Variants in LRTM2 observed in about 807,000 individuals in gnomAD.
The protein encoded by LRTM2 is leucine-rich repeat and transmembrane domain-containing protein 2.
LRTM2 carries 18 observed loss-of-function variants against 28.1 expected under a neutral mutation model. The observed-to-expected ratio is 0.64, with a 90% CI of 0.44 to 0.95. LRTM2 has a LOEUF of 0.95. Ranked by LOEUF, LRTM2 falls within the 40% of genes least tolerant of loss-of-function variation. The probability of loss-of-function intolerance (pLI) is 0.00; values close to 1 mark genes in which losing one functional copy is unlikely to be tolerated. For missense variants in LRTM2, 436 were observed against 497.2 expected, an observed-to-expected ratio of 0.88 and a Z score of 1.17; for synonymous variants, 250 against 218.7, an observed-to-expected ratio of 1.14 and a Z score of -1.26.
rs1864432409 is a variant in LRTM2, at chr12:1,828,093, C to A, written c.-56C>A. 6.9e-7 allele frequency: 1 copy of A among 1,456,754 alleles called. No individual in the cohort carries two copies. Among genetic ancestry groups the A allele is most frequent in the African/African-American group, 1.4e-5 (1 of 70,162 alleles). 90.2% of individuals were successfully genotyped at this position (1,456,754 alleles called of 1,614,324 possible). A position where few individuals can be genotyped will look rare whatever the true frequency, so the allele number is the denominator to read the frequency against. ...TCCCTCAGGACTGACAGGCGGCGCACCCAGGGGCTCCTCTCTCCCCAGAGC... is the reference window on the plus strand; with the variant it reads ...TCCCTCAGGACTGACAGGCGGCGCAACCAGGGGCTCCTCTCTCCCCAGAGC... On this transcript the variant is annotated 5_prime_UTR_variant, in exon 3 of 5. Coordinates refer to ENST00000299194, the MANE Select transcript of LRTM2 (RefSeq NM_001039029.3). This position sits in a 1 kb window ranked among gnomAD's most constrained non-coding sequence, Gnocchi z 4.2.
At chr12:1,822,527 G>T (rs1864147699) in intron 1 of LRTM2, among the ~76,000 whole-genome samples, 1 of 152,166 alleles carries the variant, frequency 6.6e-6, no homozygotes, top group African/African-American at 2.4e-5. Flanking sequence ...CCTCCTTCAT[G>T]TCAGGGACCA....
intron 1 of LRTM2, among the ~76,000 whole-genome samples, chr12:1,821,031 T>C (rs142807272): frequency 4.7e-4 from 71 of 152,320 alleles, no homozygotes; most frequent in African/African-American, 1.6e-3. Flanking sequence ...CCCACAGTGC[T>C]GGGGACAAGA....
Position 1,831,312 on chromosome 12 carries a change from A to G in LRTM2, c.445A>G (p.Ile149Val), listed in dbSNP as rs375953804. 6 of 1,613,812 alleles carry G rather than the reference A, an allele frequency of 3.7e-6. No homozygotes were observed. The highest frequency in any genetic ancestry group is 5.1e-6 in the Non-Finnish European group (6 of 1,180,026). Residue 149 changes from isoleucine to valine, a missense_variant, in exon 4 of 5, where the codon ATC (isoleucine) becomes GTC (valine). Physicochemically the swap from Ile to Val is conservative, Grantham distance 29. Transcript: ENST00000299194. The part of the protein sequence containing the change: ...SPLLRHLDLS[I>V]NGLAQLPPGL... ...GCTGCTCCGCCACCTGGACCTGTCC[A>G]TCAACGGCCTGGCCCAGTTGCCCCC...
rs1200912471 is a variant in LRTM2, at chr12:1,829,816, A to G, written c.68-1119A>G. 6.6e-6 allele frequency among the ~76,000 whole-genome samples: 1 copy of G among 151,762 alleles called. No homozygotes were observed. Among genetic ancestry groups the G allele is most frequent in the Non-Finnish European group, 1.5e-5 (1 of 67,928 alleles). On this transcript the variant is annotated intron_variant, in intron 3 of 4. Coordinates refer to ENST00000299194, the MANE Select transcript of LRTM2 (RefSeq NM_001039029.3). The surrounding 1 kb of genome is among the most constrained non-coding windows in gnomAD (Gnocchi z 4.2). ...GGGGTCTTTTCTCTAGGCTGGGTGG[A>G]ACTGACCTCGGCTGGGCTGACCTGG...
In LRTM2 at chr12:1,829,889, C is replaced by T. The variant is rs1864542181; in HGVS notation, c.68-1046C>T. On this transcript the variant is annotated intron_variant, in intron 3 of 4. Coordinates refer to ENST00000299194, the MANE Select transcript of LRTM2 (RefSeq NM_001039029.3). The surrounding 1 kb of genome is among the most constrained non-coding windows in gnomAD (Gnocchi z 4.2). ...CTTCCCAGTTCTCTTTCACGATGAGCAGGCTTCTCTGCTACTCAGGAGGAC... is the reference window on the plus strand; with the variant it reads ...CTTCCCAGTTCTCTTTCACGATGAGTAGGCTTCTCTGCTACTCAGGAGGAC... Among the ~76,000 whole-genome samples, 2 of 152,122 alleles carry T rather than the reference C, an allele frequency of 1.3e-5. No homozygotes were observed. Among genetic ancestry groups the T allele is most frequent in the Non-Finnish European group, 1.5e-5 (1 of 68,018 alleles).
rs777119834 is a variant in LRTM2 at position 1,829,099 on chromosome 12, C to T, written c.67+884C>T. Among the ~76,000 whole-genome samples the T allele has an allele frequency of 6.6e-6, 1 of 152,244 alleles. No individual in the cohort carries two copies. The highest frequency in any genetic ancestry group is 1.5e-5 in the Non-Finnish European group (1 of 68,050). ...TCAGCCTCATTCTAGAATCACTCAACACCTCGCAATACGGGCTTATGTTTT... is the reference window on the plus strand; with the variant it reads ...TCAGCCTCATTCTAGAATCACTCAATACCTCGCAATACGGGCTTATGTTTT... On this transcript the variant is annotated intron_variant, in intron 3 of 4. Coordinates refer to ENST00000299194, the MANE Select transcript of LRTM2 (RefSeq NM_001039029.3). This position sits in a 1 kb window ranked among gnomAD's most constrained non-coding sequence, Gnocchi z 4.2.
chr12:1,828,941 G>A lies in LRTM2; in HGVS notation c.67+726G>A, dbSNP rs114740665. Among the ~76,000 whole-genome samples, 1,337 of 152,332 alleles carry A rather than the reference G, an allele frequency of 8.8e-3. 19 individuals carry two copies. The highest frequency in any genetic ancestry group is 0.03 in the African/African-American group (1,259 of 41,572). On this transcript the variant is annotated intron_variant, in intron 3 of 4. Transcript: ENST00000299194. This position sits in a 1 kb window ranked among gnomAD's most constrained non-coding sequence, Gnocchi z 4.2. The stretch of plus-strand genomic sequence containing the variant: ...AGGGCTGGTCTGCCCAAGGCTACAC[G>A]GTGGCAGGGAGGAAACGGTCCCGCG...
intron 1 of LRTM2, among the ~76,000 whole-genome samples, chr12:1,825,277 A>AG (rs1309182076): frequency 6.6e-6 from 1 of 152,184 alleles, no homozygotes; most frequent in Non-Finnish European, 1.5e-5. Flanking sequence ...GAGCCTATCC[A>AG]GGGGAGGCAG....
At chr12:1,825,258 GC>G (rs777433579) in intron 1 of LRTM2, among the ~76,000 whole-genome samples, 3 of 152,214 alleles carry the variant, frequency 2.0e-5, no homozygotes, top group African/African-American at 4.8e-5. Flanking sequence ...GAGGTGGGAT[GC>G]AAAAGAGGAG....
Position 1,829,012 on chromosome 12 carries a change from C to T in LRTM2, c.67+797C>T, listed in dbSNP as rs554973230. ...TCCCGCTCTGATCCAGCACCCAACA[C>T]GGGCAGCCTGAATTATTCACCATGT... On this transcript the variant is annotated intron_variant, in intron 3 of 4. Transcript: ENST00000299194. The surrounding 1 kb of genome is among the most constrained non-coding windows in gnomAD (Gnocchi z 4.2). 1.6e-4 allele frequency among the ~76,000 whole-genome samples: 25 copies of T among 152,238 alleles called. No individual in the cohort carries two copies. The highest frequency in any genetic ancestry group is 3.3e-4 in the Admixed American group (5 of 15,288).
chr12:1,821,664 A>G (rs772680782), intron 1 of LRTM2, among the ~76,000 whole-genome samples: 12 of 152,124 alleles, frequency 7.9e-5, no homozygotes, highest in Non-Finnish European at 1.6e-4. Context: ...TTCTTGACCC[A>G]CACAGGGGGC....
At chr12:1,821,624 G>C (rs1037036271) in intron 1 of LRTM2, among the ~76,000 whole-genome samples, 3 of 152,144 alleles carry the variant, frequency 2.0e-5, no homozygotes, top group Admixed American at 1.3e-4. Context: ...CTTGGGTGGG[G>C]GGTACACAGC....
In LRTM2 at chr12:1,834,815, C is replaced by G. The variant is rs1239678987; in HGVS notation, c.*94C>G. 5 of 1,451,970 alleles carry G rather than the reference C, an allele frequency of 3.4e-6. No homozygotes were observed. Among genetic ancestry groups the G allele is most frequent in the African/African-American group, 1.4e-5 (1 of 70,878 alleles). 89.9% of individuals were successfully genotyped at this position (1,451,970 alleles called of 1,614,324 possible). A position where few individuals can be genotyped will look rare whatever the true frequency, so the allele number is the denominator to read the frequency against. ...CACCTTGACCCGGCGCTGGCCACTG[C>G]CTCCCCGAGTCCACCCTCCTCCCCG... is the stretch of plus-strand genomic sequence containing the variant. On this transcript the variant is annotated 3_prime_UTR_variant, in exon 5 of 5. Coordinates refer to ENST00000299194, the MANE Select transcript of LRTM2 (RefSeq NM_001039029.3). This position sits in a 1 kb window ranked among gnomAD's most constrained non-coding sequence, Gnocchi z 7.6.
In LRTM2 at chr12:1,833,974, C is replaced by T. The variant is rs139421410; in HGVS notation, c.659-293C>T. ...CCGTTTGGCCTGGGAGAGGACAGGCCGGATGGAAGTGGCTGCGTGCTTCTC... is the reference window on the plus strand; with the variant it reads ...CCGTTTGGCCTGGGAGAGGACAGGCTGGATGGAAGTGGCTGCGTGCTTCTC... On this transcript the variant is annotated intron_variant, in intron 4 of 4. Transcript: ENST00000299194. The surrounding 1 kb of genome is among the most constrained non-coding windows in gnomAD (Gnocchi z 4.2). Among the ~76,000 whole-genome samples the T allele has an allele frequency of 9.9e-5, 15 of 152,164 alleles. No individual in the cohort carries two copies. In the East Asian group the frequency reaches 2.7e-3, roughly 27 times the overall value.
chr12:1,824,204 C>G (rs1864224415), intron 1 of LRTM2, among the ~76,000 whole-genome samples: 1 of 152,204 alleles, frequency 6.6e-6, no homozygotes, highest in South Asian at 2.1e-4. Flanking sequence ...GCCGTTTGCC[C>G]TGCTGAGAGG....
rs954390940 is a variant in LRTM2 at position 1,828,304 on chromosome 12, C to A, written c.67+89C>A. On this transcript the variant is annotated intron_variant, in intron 3 of 4. Transcript: ENST00000299194. This position sits in a 1 kb window ranked among gnomAD's most constrained non-coding sequence, Gnocchi z 4.2. The stretch of plus-strand genomic sequence containing the variant: ...GTAGCGCCATATGGGACCTTAGCCA[C>A]ACTCAGGCTGCAGGGAGGCCTACGC... The A allele has an allele frequency of 2.5e-6, 3 of 1,180,450 alleles. No individual in the cohort carries two copies. The highest frequency in any genetic ancestry group is 3.1e-5 in the African/African-American group (2 of 63,926). The allele number at this position is 1,180,450 out of a possible 1,614,324, so 73.1% of individuals were successfully genotyped here. A position where few individuals can be genotyped will look rare whatever the true frequency, so the allele number is the denominator to read the frequency against.
Position 1,828,009 on chromosome 12 carries a change from TCCCTAAC to T in LRTM2, c.-73-62_-73-56del. 1.6e-6 allele frequency: 1 copy of T among 628,870 alleles called. No individual in the cohort carries two copies. Among genetic ancestry groups the T allele is most frequent in the East Asian group, 3.3e-5 (1 of 30,574 alleles). The allele number at this position is 628,870 out of a possible 1,614,324, so 39.0% of individuals were successfully genotyped here. ...AGTGTAAAGAGACACCCGGGCCCTC[TCCCTAAC>T]CCCTGGGCTGGAACGGGGCTCCCGC... On this transcript the variant is annotated intron_variant, in intron 2 of 4. Coordinates refer to ENST00000299194, the MANE Select transcript of LRTM2 (RefSeq NM_001039029.3). The surrounding 1 kb of genome is among the most constrained non-coding windows in gnomAD (Gnocchi z 4.2).
chr12:1,834,824 G>A lies in LRTM2; in HGVS notation c.*103G>A, dbSNP rs1864787138. ...CCGGCGCTGGCCACTGCCTCCCCGA[G>A]TCCACCCTCCTCCCCGCCCTCCAGC... On this transcript the variant is annotated 3_prime_UTR_variant, in exon 5 of 5. Coordinates refer to ENST00000299194, the MANE Select transcript of LRTM2 (RefSeq NM_001039029.3). The surrounding 1 kb of genome is among the most constrained non-coding windows in gnomAD (Gnocchi z 7.6). The A allele has an allele frequency of 6.9e-7, 1 of 1,443,104 alleles. No homozygotes were observed. 89.4% of individuals were successfully genotyped at this position (1,443,104 alleles called of 1,614,324 possible).
intron 1 of LRTM2, among the ~76,000 whole-genome samples, chr12:1,826,986 G>A (rs989625120): frequency 6.6e-6 from 1 of 152,342 alleles, no homozygotes; most frequent in East Asian, 1.9e-4. Context: ...GGGGCAGGGA[G>A]AGGGAGGCTG....
Sources: allele counts gnomAD v4.1 joint callset (sites outside exome capture counted in the v4.1 genomes callset), GRCh38; gene constraint gnomAD v4.1.1; non-coding constraint Gnocchi (gnomAD v3.1); transcripts MANE v1.5; gene names NCBI Gene and HGNC (gene_info 2026-07-23, HGNC 2026-07-21).